The following PDS5B variants were observed in gnomAD, a reference collection of about 807,000 sequenced individuals.
The protein encoded by PDS5B is PDS5 cohesin associated factor B.
Under a neutral mutation model 184.1 loss-of-function variants are expected in PDS5B, and 51 were observed. The ratio of observed to expected loss-of-function variants is 0.28; its 90% CI spans 0.22 to 0.35. The LOEUF (loss-of-function observed/expected upper bound fraction) is 0.35, where lower values mean the gene tolerates loss of function less well. Ranked by LOEUF, PDS5B falls within the 10% of genes least tolerant of loss-of-function variation. The probability of loss-of-function intolerance (pLI) is 1.00; values close to 1 mark genes in which losing one functional copy is unlikely to be tolerated. For synonymous variants in PDS5B, 566 were observed against 569.2 expected, an observed-to-expected ratio of 0.99 and a Z score of 0.08; for missense variants, 1,180 against 1,723.3, an observed-to-expected ratio of 0.68 and a Z score of 5.58.
Position 32,662,389 on chromosome 13 carries a change from A to C in PDS5B, c.624+3109A>C, listed in dbSNP as rs1341037060. Reference sequence around the variant, plus strand: ...GTTTTAGTGACTATAAATCAGGTAAACTGAGTTTATAAAAATATTGAGGAT... The same window carrying C: ...GTTTTAGTGACTATAAATCAGGTAACCTGAGTTTATAAAAATATTGAGGAT... On this transcript the variant is annotated intron_variant, in intron 6 of 34. Transcript: ENST00000315596. Among the ~76,000 whole-genome samples, 7 of 152,258 alleles carry C rather than the reference A, an allele frequency of 4.6e-5. No individual in the cohort carries two copies. The South Asian group carries it at 1.0e-3, about 23-fold the overall frequency.
intron 9 of PDS5B, among the ~76,000 whole-genome samples, chr13:32,677,106 T>C (rs1951092063): frequency 6.6e-6 from 1 of 152,070 alleles, no homozygotes; most frequent in African/African-American, 2.4e-5. Context: ...AGGATATAAG[T>C]TGTGATAAGT....
chr13:32,636,065 G>A (rs1023555629), intron 1 of PDS5B, among the ~76,000 whole-genome samples: 1 of 152,112 alleles, frequency 6.6e-6, no homozygotes, highest in East Asian at 1.9e-4. Context: ...CACCGCTCCC[G>A]GCCTAGTATT....
At chr13:32,698,261 G>A (rs1046569736) in intron 15 of PDS5B, among the ~76,000 whole-genome samples, 1 of 151,484 alleles carries the variant, frequency 6.6e-6, no homozygotes, top group South Asian at 2.1e-4. Context: ...GAAATAATAG[G>A]CCTTATTGTA....
At chr13:32,607,801 G>T (rs143917015) in intron 1 of PDS5B, among the ~76,000 whole-genome samples, 1 of 152,196 alleles carries the variant, frequency 6.6e-6, no homozygotes, top group Admixed American at 6.5e-5. Flanking sequence ...CTTGCAGTTC[G>T]ATCTCAGACT....
intron 19 of PDS5B, among the ~76,000 whole-genome samples, chr13:32,729,469 G>A (rs919976982): frequency 6.6e-6 from 1 of 152,076 alleles, no homozygotes; most frequent in East Asian, 1.9e-4. Flanking sequence ...CCTAGTAATG[G>A]GATTGCTGGG....
chr13:32,646,015 GTGTGTGT>G (rs1365915696), intron 1 of PDS5B, among the ~76,000 whole-genome samples: 1 of 151,438 alleles, frequency 6.6e-6, no homozygotes, highest in Non-Finnish European at 1.5e-5. Context: ...GTGGTGTGTG[GTGTGTGT>G]TGAGACAAGG....
At chr13:32,681,555 C>T (rs1951244188) in intron 10 of PDS5B, among the ~76,000 whole-genome samples, 1 of 151,356 alleles carries the variant, frequency 6.6e-6, no homozygotes, top group African/African-American at 2.4e-5. Flanking sequence ...ACCTGGGAGG[C>T]AGAGGTTGCA....
rs138743382 is a variant in PDS5B, at chr13:32,724,303, A to G, written c.2124-7798A>G. Among the ~76,000 whole-genome samples the G allele has an allele frequency of 2.0e-3, 297 of 151,868 alleles. 1 individual carries two copies. Among genetic ancestry groups the G allele is most frequent in the African/African-American group, 6.8e-3 (281 of 41,414 alleles). On this transcript the variant is annotated intron_variant, in intron 19 of 34. Coordinates refer to ENST00000315596, the MANE Select transcript of PDS5B (RefSeq NM_015032.4). ...TTTTTTTTTTAAACTTTTTGTAGAG[A>G]TGGAGTCTCTCATTATGTTGCCCAG...
intron 19 of PDS5B, among the ~76,000 whole-genome samples, chr13:32,717,003 G>A (rs1332770059): frequency 5.5e-5 from 7 of 128,008 alleles, no homozygotes; most frequent in Non-Finnish European, 9.9e-5. Flanking sequence ...CAGCTGCCCC[G>A]TCCGGGAGGG....
chr13:32,723,092 A>C (rs1453365340), intron 19 of PDS5B, among the ~76,000 whole-genome samples: 1 of 151,738 alleles, frequency 6.6e-6, no homozygotes, highest in East Asian at 1.9e-4. Flanking sequence ...TATCAGTATG[A>C]GATTAGTTTT....
intron 26 of PDS5B, among the ~76,000 whole-genome samples, chr13:32,757,427 C>T (rs1020099030): frequency 6.6e-6 from 1 of 152,158 alleles, no homozygotes; most frequent in African/African-American, 2.4e-5. Flanking sequence ...TCTCCTCCTT[C>T]TCCCATTACT....
intron 19 of PDS5B, among the ~76,000 whole-genome samples, chr13:32,712,105 C>A (rs1204415798): frequency 1.3e-5 from 2 of 152,092 alleles, no homozygotes; most frequent in Admixed American, 6.5e-5. Flanking sequence ...TTGGCTTATT[C>A]CCTGGAGGTT....
At chr13:32,756,521 G>A (rs530561498) in intron 26 of PDS5B, among the ~76,000 whole-genome samples, 2 of 152,218 alleles carry the variant, frequency 1.3e-5, no homozygotes, top group East Asian at 3.9e-4. Context: ...GCCTGGGTGG[G>A]GAATAGGAAT....
intron 13 of PDS5B, 115 bp from the exon 14 acceptor site, chr13:32,694,108 A>T: frequency 1.5e-6 from 1 of 678,946 alleles, no homozygotes; most frequent in Non-Finnish European, 2.5e-6. Context: ...TGTGAATTTC[A>T]TCTCATCTCT....
chr13:32,598,455 G>T (rs984729213), intron 1 of PDS5B, among the ~76,000 whole-genome samples: 2 of 151,954 alleles, frequency 1.3e-5, no homozygotes, highest in African/African-American at 4.8e-5. Context: ...TGAGATTATT[G>T]TAGTTTTTAA....
At chr13:32,706,659 G>A (rs1318201730) in intron 17 of PDS5B, among the ~76,000 whole-genome samples, 9 of 152,094 alleles carry the variant, frequency 5.9e-5, no homozygotes, top group African/African-American at 1.9e-4. Context: ...GACCTGCCAT[G>A]GAAAAGATGA....
chr13:32,638,664 C>T (rs913456996), intron 1 of PDS5B, among the ~76,000 whole-genome samples: 3 of 150,236 alleles, frequency 2.0e-5, no homozygotes, highest in Admixed American at 6.7e-5. Context: ...GAGAGAGTAT[C>T]TAGTAGACAC....
intron 1 of PDS5B, among the ~76,000 whole-genome samples, chr13:32,591,903 T>C (rs775069757): frequency 6.6e-5 from 10 of 152,182 alleles, no homozygotes; most frequent in Non-Finnish European, 1.2e-4. Context: ...TCATGGCACC[T>C]TGACGGGGAG....
At chr13:32,643,913 T>A (rs1566277330) in intron 1 of PDS5B, among the ~76,000 whole-genome samples, 1 of 152,216 alleles carries the variant, frequency 6.6e-6, no homozygotes, top group Non-Finnish European at 1.5e-5. Context: ...TCTTGTATCC[T>A]GGAACGTCGA....
Sources: gnomAD v4.1 joint callset for allele counts (sites outside exome capture counted in the v4.1 genomes callset) on GRCh38, gnomAD v4.1.1 for gene constraint, MANE v1.5 for transcripts, NCBI Gene and HGNC (gene_info 2026-07-23, HGNC 2026-07-21) for gene names.